Variants in BAZ1A observed in about 807,000 individuals in gnomAD.
The protein encoded by BAZ1A is bromodomain adjacent to zinc finger domain 1A, also known as bromodomain adjacent to zinc finger domain protein 1A.
In BAZ1A, 50 loss-of-function variants were observed where a neutral mutation model predicts 185.2. That is an observed-to-expected ratio of 0.27 (90% CI 0.22 to 0.34). BAZ1A has a LOEUF of 0.34. BAZ1A is among the 10% of genes least tolerant of loss of function. BAZ1A has a pLI of 1.00. For missense variants in BAZ1A, 1,356 were observed against 1,839.9 expected (o/e 0.74, Z 4.81); for synonymous variants, 571 against 615.6 (o/e 0.93, Z 1.07).
chr14:34,756,001 C>CTT (rs146543442), intron 25 of BAZ1A, among the ~76,000 whole-genome samples: 2 of 143,000 alleles, frequency 1.4e-5, no homozygotes, highest in African/African-American at 5.2e-5. Flanking sequence ...TTTTCTTTTT[C>CTT]TTTTTTTTTT....
chr14:34,847,460 C>T (rs2042532954), intron 3 of BAZ1A, among the ~76,000 whole-genome samples: 1 of 152,040 alleles, frequency 6.6e-6, no homozygotes, highest in Non-Finnish European at 1.5e-5. Flanking sequence ...TAATGTGTTG[C>T]TAAAAATCTA....
chr14:34,819,432 T>G (rs10131094), intron 4 of BAZ1A, among the ~76,000 whole-genome samples: 1 of 151,980 alleles, frequency 6.6e-6, no homozygotes, highest in South Asian at 2.1e-4. Flanking sequence ...TTTTCCAGAA[T>G]GTCATAGTTG....
chr14:34,753,401 A>C lies in BAZ1A; in HGVS notation c.*107T>G, dbSNP rs1271757458. ...AAATTGAGAATATAGTGCAGGCCAC[A>C]CTTTCATGTGGTCAATCAATTGTTA... On this transcript the variant is annotated 3_prime_UTR_variant, in exon 27 of 27. Transcript: ENST00000360310. 3 of 1,108,890 alleles carry C rather than the reference A, an allele frequency of 2.7e-6. No homozygotes were observed. Among genetic ancestry groups the C allele is most frequent in the Admixed American group, 2.1e-5 (1 of 46,736 alleles). 68.7% of individuals were successfully genotyped at this position (1,108,890 alleles called of 1,614,324 possible). A position where few individuals can be genotyped will look rare whatever the true frequency, so the allele number is the denominator to read the frequency against.
At position 34,818,889 on chromosome 14, in the gene BAZ1A, A is replaced by C. The variant is rs917481175; in HGVS notation, c.536+7124T>G. On this transcript the variant is annotated intron_variant, in intron 4 of 26. Transcript: ENST00000360310. ...GGGCGCAGTGGCTCAAGCCTGTAAT[A>C]CCAGCACTTTGGGAGGCCGAGGCGG... is the stretch of plus-strand genomic sequence containing the variant. Among the ~76,000 whole-genome samples, 103 of 152,064 alleles carry C rather than the reference A, an allele frequency of 6.8e-4. No individual in the cohort carries two copies. In the East Asian group the frequency reaches 7.2e-3, roughly 11 times the overall value.
chr14:34,765,329 A>G (rs377009627), intron 21 of BAZ1A, 61 bp from the exon 22 acceptor site: 2 of 1,571,714 alleles, frequency 1.3e-6, no homozygotes, highest in Non-Finnish European at 8.6e-7. Flanking sequence ...CTTCCTAGAA[A>G]TAGTTTGTTG....
intron 4 of BAZ1A, among the ~76,000 whole-genome samples, chr14:34,824,178 A>T (rs2042127948): frequency 6.7e-6 from 1 of 148,696 alleles, no homozygotes; most frequent in Admixed American, 6.8e-5. Context: ...TGGGCTATAT[A>T]GCAAGACTGT....
intron 3 of BAZ1A, among the ~76,000 whole-genome samples, chr14:34,835,837 A>G (rs2042321248): frequency 1.3e-5 from 2 of 151,188 alleles, no homozygotes; most frequent in Admixed American, 1.3e-4. Context: ...ACGCCCAGCT[A>G]ATTTTGTATT....
intron 16 of BAZ1A, 149 bp from the exon 17 acceptor site, chr14:34,780,459 A>G (rs1879964239): frequency 1.6e-5 from 11 of 682,924 alleles, no homozygotes; most frequent in Middle Eastern, 6.9e-4. Context: ...GAGAAAACAG[A>G]TAATTACACA....
chr14:34,786,502 T>C (rs949924450), intron 12 of BAZ1A: 1 of 285,314 alleles, frequency 3.5e-6, no homozygotes, highest in Non-Finnish European at 6.5e-6. Context: ...AAAGATAAAA[T>C]GCACTTTAGA....
At chr14:34,815,402 T>C (rs1205734039) in intron 4 of BAZ1A, among the ~76,000 whole-genome samples, 1 of 152,242 alleles carries the variant, frequency 6.6e-6, no homozygotes, top group Non-Finnish European at 1.5e-5. Flanking sequence ...TTTAATCATT[T>C]TTCTTGCTAC....
intron 12 of BAZ1A, among the ~76,000 whole-genome samples, chr14:34,788,027 T>A (rs1425483656): frequency 6.6e-6 from 1 of 152,074 alleles, no homozygotes; most frequent in Non-Finnish European, 1.5e-5. Flanking sequence ...ATTTTTGTTT[T>A]TTTTTTTTGA....
At chr14:34,814,767 G>GT (rs1171854252) in intron 4 of BAZ1A, among the ~76,000 whole-genome samples, 1 of 150,326 alleles carries the variant, frequency 6.7e-6, no homozygotes. Flanking sequence ...GTGAGCCACC[G>GT]TACCAGACCT....
chr14:34,865,339 TC>T (rs1176656100), intron 2 of BAZ1A, among the ~76,000 whole-genome samples: 2 of 152,234 alleles, frequency 1.3e-5, no homozygotes, highest in Non-Finnish European at 2.9e-5. Context: ...TAAAATTTTT[TC>T]CTGCTTTACA....
intron 3 of BAZ1A, among the ~76,000 whole-genome samples, chr14:34,855,157 G>C (rs1330936907): frequency 3.9e-5 from 6 of 152,114 alleles, no homozygotes; most frequent in Non-Finnish European, 8.8e-5. Context: ...TTTAAGTTCA[G>C]CCTAAAGGTT....
chr14:34,771,719 G>T, intron 20 of BAZ1A, 60 bp from the exon 21 acceptor site: 1 of 1,506,786 alleles, frequency 6.6e-7, no homozygotes, highest in Non-Finnish European at 9.1e-7. Flanking sequence ...TAAAACTTGA[G>T]TCCATTCATT....
In BAZ1A at chr14:34,764,757, C is replaced by T. The variant is rs1878713857; in HGVS notation, c.3726G>A (p.Glu1242=). ...DEEEGQSEEE[E]YEVEQDEDDS... The stretch of plus-strand genomic sequence containing the variant: ...CATCTTCATCTTGTTCTACCTCATA[C>T]TCTTCCTCCTCACTTTGACCTTCTT... The change falls in exon 23 of 27, where the codon GAG becomes GAA. Residue 1242 remains glutamate (E), a synonymous_variant. Coordinates refer to ENST00000360310, the MANE Select transcript of BAZ1A (RefSeq NM_013448.3). 1.2e-6 allele frequency: 2 copies of T among 1,608,876 alleles called. No homozygotes were observed. The highest frequency in any genetic ancestry group is 1.7e-6 in the Non-Finnish European group (2 of 1,175,278).
Position 34,786,209 on chromosome 14 carries a change from G to A in BAZ1A, c.1523C>T (p.Ala508Val). 1 of 1,611,046 alleles carries A rather than the reference G, an allele frequency of 6.2e-7. No homozygotes were observed. The highest frequency in any genetic ancestry group is 8.5e-7 in the Non-Finnish European group (1 of 1,179,164). The change falls in exon 13 of 27, where the codon GCT becomes GTT. Residue 508 changes from alanine (A) to valine (V), a missense_variant. By Grantham distance (64) the Ala-to-Val change is moderately conservative. Around this residue, in one of 7 missense-constraint regions of BAZ1A, gnomAD observed 184 missense variants for 355.1 expected, o/e 0.52. Coordinates refer to ENST00000360310, the MANE Select transcript of BAZ1A (RefSeq NM_013448.3). ...TGTGGGGTCTGCATCTTCATCCAAA[G>A]CCTCTGTTAAATCTTTAAGGAAATA... ...TDADTKDLTE[A>V]LDEDADPTKS... is the part of the protein sequence containing the mutation.
chr14:34,854,725 TC>T (rs1321434626), intron 3 of BAZ1A, among the ~76,000 whole-genome samples: 1 of 152,098 alleles, frequency 6.6e-6, no homozygotes, highest in Non-Finnish European at 1.5e-5. Flanking sequence ...TATCACTACC[TC>T]CCTCCCATAA....
chr14:34,759,353 T>C (rs995081724), intron 24 of BAZ1A, among the ~76,000 whole-genome samples: 1 of 151,416 alleles, frequency 6.6e-6, no homozygotes, highest in Non-Finnish European at 1.5e-5. Context: ...GCTAATTTTG[T>C]TTTGTATTTT....
Sources: gnomAD v4.1 joint callset for allele counts (sites outside exome capture counted in the v4.1 genomes callset) on GRCh38, gnomAD v4.1.1 for gene constraint, gnomAD v4.1.1 regional missense constraint, MANE v1.5 for transcripts, NCBI Gene and HGNC (gene_info 2026-07-23, HGNC 2026-07-21) for gene names.